Variants in CSMD1 observed in about 807,000 individuals in gnomAD.
CSMD1 encodes CUB and Sushi multiple domains 1.
Under a neutral mutation model 417.5 loss-of-function variants are expected in CSMD1, and 213 were observed. The observed-to-expected ratio is 0.51, with a 90% CI of 0.46 to 0.57. CSMD1 has a LOEUF of 0.57. Among genes scored for constraint, CSMD1 ranks in the 20% least tolerant of loss-of-function variants. The pLI is 0.00. For missense variants in CSMD1, 6,923 were observed against 4,529.7 expected (o/e 1.53, Z -15.17); for synonymous variants, 2,862 against 1,736.8 (o/e 1.65, Z -16.11).
At chr8:3,285,132 A>C (rs759156430) in intron 25 of CSMD1, among the ~76,000 whole-genome samples, 1 of 152,230 alleles carries the variant, frequency 6.6e-6, no homozygotes. Flanking sequence ...ACAGTTTTTT[A>C]TTTCCTGCGT....
At chr8:4,209,861 A>C (rs1048492353) in intron 3 of CSMD1, among the ~76,000 whole-genome samples, 3 of 152,154 alleles carry the variant, frequency 2.0e-5, no homozygotes, top group South Asian at 2.1e-4. Flanking sequence ...TTAATGCAGA[A>C]ATTTCTAGAA....
At chr8:2,988,568 A>T (rs73502841) in intron 54 of CSMD1, among the ~76,000 whole-genome samples, 7 of 152,278 alleles carry the variant, frequency 4.6e-5, no homozygotes, top group Non-Finnish European at 7.3e-5. Context: ...ATGGGCCTCC[A>T]GGAGAGTAGG....
intron 2 of CSMD1, among the ~76,000 whole-genome samples, chr8:4,550,320 TACAC>T (rs1262891525): frequency 7.3e-6 from 1 of 137,850 alleles, no homozygotes; most frequent in African/African-American, 2.8e-5. Flanking sequence ...GGAAGAAGCA[TACAC>T]ACACGCACAC....
intron 11 of CSMD1, among the ~76,000 whole-genome samples, chr8:3,492,771 C>T (rs1250547420): frequency 6.6e-6 from 1 of 152,124 alleles, no homozygotes; most frequent in Non-Finnish European, 1.5e-5. Context: ...AGGCTGTCAC[C>T]GTGTTTGCTA....
intron 3 of CSMD1, among the ~76,000 whole-genome samples, chr8:4,209,494 C>G (rs183329311): frequency 2.0e-5 from 3 of 152,198 alleles, no homozygotes; most frequent in Non-Finnish European, 4.4e-5. Flanking sequence ...CCCTTAACCT[C>G]ACTCCCATGG....
At chr8:3,751,319 T>C (rs1325614515) in intron 6 of CSMD1, among the ~76,000 whole-genome samples, 1 of 146,832 alleles carries the variant, frequency 6.8e-6, no homozygotes, top group African/African-American at 2.5e-5. Context: ...TGTGTGTGTG[T>C]GTGTGTGTAT....
intron 25 of CSMD1, among the ~76,000 whole-genome samples, chr8:3,287,446 C>T (rs1175130002): frequency 1.3e-5 from 2 of 152,090 alleles, no homozygotes; most frequent in East Asian, 1.9e-4. Flanking sequence ...ATGGAATGTT[C>T]TTCCATTTGT....
chr8:4,184,589 T>C (rs1798558588), intron 3 of CSMD1, among the ~76,000 whole-genome samples: 1 of 152,054 alleles, frequency 6.6e-6, no homozygotes, highest in African/African-American at 2.4e-5. Context: ...TAGACCATTA[T>C]CTTTAGCAAA....
intron 1 of CSMD1, among the ~76,000 whole-genome samples, chr8:4,696,862 G>T (rs1339751652): frequency 6.6e-6 from 1 of 152,150 alleles, no homozygotes; most frequent in African/African-American, 2.4e-5. Context: ...GAGCTGTAAA[G>T]CTCTTGAAAC....
rs187062713 is a variant in CSMD1, at chr8:4,466,144, A to G, written c.303-46079T>C. 3.3e-4 allele frequency among the ~76,000 whole-genome samples: 50 copies of G among 152,292 alleles called. No individual in the cohort carries two copies. In the East Asian group the frequency reaches 7.5e-3, roughly 23 times the overall value. Reference sequence around the variant, plus strand: ...AGGATAGTTTTATAAAGAATGAAATATTGTGAGAGAGTCTTACTCCGTGGT... The same window carrying G: ...AGGATAGTTTTATAAAGAATGAAATGTTGTGAGAGAGTCTTACTCCGTGGT... On this transcript the variant is annotated intron_variant, in intron 2 of 69. Coordinates refer to ENST00000635120, the MANE Select transcript of CSMD1 (RefSeq NM_033225.6).
At chr8:2,992,083 T>C (rs1806435807) in intron 54 of CSMD1, among the ~76,000 whole-genome samples, 1 of 152,232 alleles carries the variant, frequency 6.6e-6, no homozygotes. Context: ...TTATCTTAAT[T>C]ACATTCACAT....
chr8:4,406,178 T>C (rs1291585656), intron 3 of CSMD1, among the ~76,000 whole-genome samples: 1 of 152,158 alleles, frequency 6.6e-6, no homozygotes, highest in East Asian at 1.9e-4. Context: ...ATATGCTGAG[T>C]AGGATTTTTC....
chr8:3,242,344 G>C (rs1799593578), intron 26 of CSMD1, among the ~76,000 whole-genome samples: 1 of 151,194 alleles, frequency 6.6e-6, no homozygotes, highest in South Asian at 2.1e-4. Context: ...GAAAGACTCA[G>C]CGACGCTTGG....
At chr8:4,897,396 A>G (rs1804568173) in intron 1 of CSMD1, among the ~76,000 whole-genome samples, 1 of 152,258 alleles carries the variant, frequency 6.6e-6, no homozygotes, top group South Asian at 2.1e-4. Flanking sequence ...TCAACAGGAA[A>G]AAAGTTACAA....
chr8:3,594,367 G>A (rs1800995806), intron 8 of CSMD1, among the ~76,000 whole-genome samples: 1 of 152,000 alleles, frequency 6.6e-6, no homozygotes, highest in Non-Finnish European at 1.5e-5. Flanking sequence ...AACTTATGCT[G>A]GAAACTGAAA....
At chr8:4,470,695 A>G (rs1399898829) in intron 2 of CSMD1, among the ~76,000 whole-genome samples, 1 of 152,214 alleles carries the variant, frequency 6.6e-6, no homozygotes, top group East Asian at 1.9e-4. Flanking sequence ...GAATGGTACG[A>G]AAGAGTAAAG....
intron 40 of CSMD1, among the ~76,000 whole-genome samples, chr8:3,143,309 G>A (rs7829895): frequency 0.041 from 6,242 of 152,126 alleles, 432 homozygotes; most frequent in African/African-American, 0.14. Context: ...ATTGTGTTAC[G>A]TGTGCAAAAC....
intron 12 of CSMD1, among the ~76,000 whole-genome samples, chr8:3,435,226 C>A (rs1221854157): frequency 6.6e-6 from 1 of 152,082 alleles, no homozygotes; most frequent in African/African-American, 2.4e-5. Context: ...ACAGAGCTCC[C>A]TGGGAAAGAA....
chr8:3,521,965 T>C (rs886334622), intron 10 of CSMD1, among the ~76,000 whole-genome samples: 1 of 152,224 alleles, frequency 6.6e-6, no homozygotes, highest in Non-Finnish European at 1.5e-5. Context: ...AAAATGCAAT[T>C]AACAAAACTT....
Sources: gnomAD v4.1 joint callset for allele counts (sites outside exome capture counted in the v4.1 genomes callset) on GRCh38, gnomAD v4.1.1 for gene constraint, MANE v1.5 for transcripts, NCBI Gene and HGNC (gene_info 2026-07-23, HGNC 2026-07-21) for gene names.